KBTBD8: variants seen among roughly 807,000 people sequenced by gnomAD.
KBTBD8 encodes kelch repeat and BTB domain-containing protein 8.
In KBTBD8, 31 loss-of-function variants were observed where a neutral mutation model predicts 53.5. The observed-to-expected ratio is 0.58, with a 90% CI of 0.44 to 0.78. The LOEUF (loss-of-function observed/expected upper bound fraction) is 0.78. KBTBD8 is among the 30% of genes least tolerant of loss of function. The probability of loss-of-function intolerance (pLI) is 0.00; values close to 1 mark genes in which losing one functional copy is unlikely to be tolerated. For missense variants in KBTBD8, 642 were observed against 735.8 expected (o/e 0.87, Z 1.48); for synonymous variants, 250 against 247.3 (o/e 1.01, Z -0.10).
intron 3 of KBTBD8, among the ~76,000 whole-genome samples, chr3:67,007,540 A>G (rs1702079094): frequency 6.6e-6 from 1 of 151,970 alleles, no homozygotes; most frequent in Non-Finnish European, 1.5e-5. Flanking sequence ...GCTGGTCTCA[A>G]ACTCCTGACC....
intron 3 of KBTBD8, among the ~76,000 whole-genome samples, chr3:67,005,431 C>T (rs149757463): frequency 1.7e-3 from 265 of 152,258 alleles, no homozygotes; most frequent in African/African-American, 5.8e-3. Flanking sequence ...TTACAGTTGC[C>T]TAGAGTACTC....
In KBTBD8 at chr3:67,003,936, C is replaced by T. The variant is rs541983716; in HGVS notation, c.969C>T (p.Asp323=). 3 of 1,614,036 alleles carry T rather than the reference C, an allele frequency of 1.9e-6. No individual in the cohort carries two copies. The highest frequency in any genetic ancestry group is 2.2e-5 in the South Asian group (2 of 91,082). ...RVFKLCKPPN[D]LREVGILVSP... The stretch of plus-strand genomic sequence containing the variant: ...TTAAACTATGCAAACCACCAAATGA[C>T]CTGAGAGAAGTTGGGATTCTTGTAT... The change falls in exon 3 of 4, where the codon GAC becomes GAT. Residue 323 remains aspartate, a synonymous_variant. Coordinates refer to ENST00000417314, the MANE Select transcript of KBTBD8 (RefSeq NM_032505.3).
intron 2 of KBTBD8, among the ~76,000 whole-genome samples, chr3:67,002,442 G>C (rs867401927): frequency 3.3e-5 from 5 of 151,508 alleles, no homozygotes; most frequent in Admixed American, 1.3e-4. Flanking sequence ...TTTTCACCAG[G>C]ACATGAAAAG....
At chr3:66,999,311 C>CA in intron 2 of KBTBD8, 120 bp downstream of exon 2, 2 of 829,972 alleles carry the variant, frequency 2.4e-6, no homozygotes, top group Non-Finnish European at 4.0e-6. Flanking sequence ...GACTTTGTTT[C>CA]TTGAGACTAG....
chr3:67,008,210 C>T lies in KBTBD8; in HGVS notation c.1631C>T (p.Thr544Ile). ...TTATTTGTTCGAGCTACTCAAGTGA[C>T]TGTTGAAGAACACGTCTTCAGAACC... ...LHLFVRATQV[T>I]VEEHVFRTSR... The change falls in exon 4 of 4, where the codon ACT (threonine) becomes ATT (isoleucine). Residue 544 changes from threonine (T) to isoleucine (I), a missense_variant. By Grantham distance (89) the Thr-to-Ile change is moderately conservative. Coordinates refer to ENST00000417314, the MANE Select transcript of KBTBD8 (RefSeq NM_032505.3). 1 of 1,614,130 alleles carries T rather than the reference C, an allele frequency of 6.2e-7. No individual in the cohort carries two copies. The highest frequency in any genetic ancestry group is 8.5e-7 in the Non-Finnish European group (1 of 1,180,016).
intron 2 of KBTBD8, among the ~76,000 whole-genome samples, chr3:67,002,512 C>CTTTTTTTTTTTTT (rs57174511): frequency 1.1e-5 from 1 of 90,368 alleles, no homozygotes; most frequent in Non-Finnish European, 2.0e-5. Flanking sequence ...TATAGGTATT[C>CTTTTTTTTTTTTT]TTTTTTTTTT....
At position 67,008,420 on chromosome 3, in the gene KBTBD8, C is replaced by T. The variant is rs376178568; in HGVS notation, c.*35C>T. 67 of 1,403,664 alleles carry T rather than the reference C, an allele frequency of 4.8e-5. No individual in the cohort carries two copies. The highest frequency in any genetic ancestry group is 3.6e-4 in the Middle Eastern group (2 of 5,496). The allele number at this position is 1,403,664 out of a possible 1,614,324, so 87.0% of individuals were successfully genotyped here. A position where few individuals can be genotyped will look rare whatever the true frequency, so the allele number is the denominator to read the frequency against. On this transcript the variant is annotated 3_prime_UTR_variant, in exon 4 of 4. Transcript: ENST00000417314. ...AGGCCTTAGTGCATCACTGGCATCT[C>T]ATTCTTAGGAAACTTGTCTTTGATA...
rs13078632 is a variant in KBTBD8 at position 67,009,129 on chromosome 3, A to G, written c.*744A>G. 0.11 allele frequency: 17,293 copies of G among 152,678 alleles called. 1,089 individuals carry two copies. The highest frequency in any genetic ancestry group is 0.17 in the Admixed American group (2,629 of 15,286). 9.5% of individuals were successfully genotyped at this position (152,678 alleles called of 1,614,324 possible). ...TGCTAGTCTAACTTAATTCATGTGT[A>G]TAACTAGATGGATTTAAATGGTCTG... On this transcript the variant is annotated 3_prime_UTR_variant, in exon 4 of 4. Coordinates refer to ENST00000417314, the MANE Select transcript of KBTBD8 (RefSeq NM_032505.3).
intron 3 of KBTBD8, among the ~76,000 whole-genome samples, chr3:67,006,071 A>G (rs1702062325): frequency 6.6e-6 from 1 of 152,250 alleles, no homozygotes; most frequent in African/African-American, 2.4e-5. Context: ...TTAGTTAAAT[A>G]GAAGCACAGG....
In KBTBD8 at chr3:67,005,855, A is replaced by G. The variant is rs185394332; in HGVS notation, c.1342+1546A>G. Among the ~76,000 whole-genome samples the G allele has an allele frequency of 8.3e-3, 1,265 of 151,966 alleles. 13 individuals are homozygous for G. The highest frequency in any genetic ancestry group is 0.024 in the Middle Eastern group (7 of 294). On this transcript the variant is annotated intron_variant, in intron 3 of 3. Coordinates refer to ENST00000417314, the MANE Select transcript of KBTBD8 (RefSeq NM_032505.3). ...TTATTTTTGGTAGAGTCGGCGTTTC[A>G]CTATGTTGACCAGGCTGGTCTTGAA...
intron 3 of KBTBD8, among the ~76,000 whole-genome samples, chr3:67,005,640 C>T (rs1298930448): frequency 2.0e-5 from 3 of 151,652 alleles, no homozygotes; most frequent in Non-Finnish European, 4.4e-5. Flanking sequence ...TCTTTCCCCT[C>T]CCCCTTCCCC....
At position 66,998,317 on chromosome 3, in the gene KBTBD8, T is replaced by C; in HGVS notation, c.-39T>C. The C allele has an allele frequency of 7.7e-7, 1 of 1,294,480 alleles. No homozygotes were observed. The highest frequency in any genetic ancestry group is 2.7e-5 in the South Asian group (1 of 37,542). The allele number at this position is 1,294,480 out of a possible 1,614,324, so 80.2% of individuals were successfully genotyped here. On this transcript the variant is annotated 5_prime_UTR_variant, in exon 1 of 4. Transcript: ENST00000417314. ...GGGAGCTAGAGAAGCGAAATGACAT[T>C]TCCTTTTTAAATAGCTGGAGTCGGG...
intron 2 of KBTBD8, among the ~76,000 whole-genome samples, chr3:66,999,701 G>A (rs1186084121): frequency 6.6e-6 from 1 of 152,262 alleles, no homozygotes; most frequent in East Asian, 1.9e-4. Context: ...TTTCTTTAGT[G>A]TATGGGACTC....
At chr3:66,998,925 G>T (rs1701989658) in intron 1 of KBTBD8, 56 bp from the exon 2 acceptor site, 1 of 1,366,446 alleles carries the variant, frequency 7.3e-7, no homozygotes, top group Admixed American at 2.0e-5. Context: ...GAAAAATCCC[G>T]CGATGCCGTA....
intron 3 of KBTBD8, among the ~76,000 whole-genome samples, chr3:67,005,658 C>T (rs774534428): frequency 1.1e-4 from 17 of 151,210 alleles, no homozygotes; most frequent in Non-Finnish European, 1.8e-4. Context: ...CCCTTCCCTT[C>T]TTTTCTTTCA....
chr3:67,004,825 T>A (rs1180216060), intron 3 of KBTBD8, among the ~76,000 whole-genome samples: 1 of 152,216 alleles, frequency 6.6e-6, no homozygotes, highest in Non-Finnish European at 1.5e-5. Flanking sequence ...TTGCAAAAAT[T>A]ATGAAATTTA....
At chr3:67,004,344 G>C (rs1342916160) in intron 3 of KBTBD8, 35 bp downstream of exon 3, 1 of 1,585,008 alleles carries the variant, frequency 6.3e-7, no homozygotes, top group South Asian at 1.1e-5. Context: ...TTCATGGAAG[G>C]GTAACACATC....
rs575540730 is a variant in KBTBD8, at chr3:67,002,423, G to C, written c.228-772G>C. ...TAAAGATATATTTTGGATACAAGTT[G>C]CCTTGTAATTTTCACCAGGACATGA... On this transcript the variant is annotated intron_variant, in intron 2 of 3. Transcript: ENST00000417314. Among the ~76,000 whole-genome samples the C allele has an allele frequency of 6.6e-5, 10 of 151,416 alleles. No individual in the cohort carries two copies. The East Asian group carries it at 1.9e-3, about 29-fold the overall frequency.
chr3:67,002,489 A>T (rs1279588532), intron 2 of KBTBD8, among the ~76,000 whole-genome samples: 1 of 143,434 alleles, frequency 7.0e-6, no homozygotes, highest in East Asian at 2.0e-4. Flanking sequence ...CTAATGTATC[A>T]TGTTGATACC....
Sources: gnomAD v4.1 joint callset for allele counts (sites outside exome capture counted in the v4.1 genomes callset) on GRCh38, gnomAD v4.1.1 for gene constraint, MANE v1.5 for transcripts, NCBI Gene and HGNC (gene_info 2026-07-23, HGNC 2026-07-21) for gene names.